The following GMPR variants were observed in gnomAD, a reference collection of about 807,000 sequenced individuals.
GMPR encodes GMP reductase 1.
Under a neutral mutation model 38.4 loss-of-function variants are expected in GMPR, and 31 were observed. The ratio of observed to expected loss-of-function variants is 0.81; its 90% CI spans 0.61 to 1.09. GMPR has a LOEUF of 1.09. Ranked by LOEUF, GMPR falls within the 50% of genes least tolerant of loss-of-function variation. The probability of loss-of-function intolerance (pLI) is 0.00; values close to 1 mark genes in which losing one functional copy is unlikely to be tolerated. For synonymous variants in GMPR, 162 were observed against 173.3 expected (o/e 0.93, Z 0.51); for missense variants, 468 against 453.7 (o/e 1.03, Z -0.29).
In GMPR at chr6:16,253,056, C is replaced by T. The variant is rs1320644988; in HGVS notation, c.292-1506C>T. ...AAGGCATAAATTAGTGAAAGCAAGTCCTTGCCCAAGGGGCAGATGTTCAGA... is the reference window on the plus strand; with the variant it reads ...AAGGCATAAATTAGTGAAAGCAAGTTCTTGCCCAAGGGGCAGATGTTCAGA... On this transcript the variant is annotated intron_variant, in intron 3 of 8. Coordinates refer to ENST00000259727, the MANE Select transcript of GMPR (RefSeq NM_006877.4). Among the ~76,000 whole-genome samples the T allele has an allele frequency of 2.6e-5, 4 of 152,334 alleles. No individual in the cohort carries two copies. The South Asian group carries it at 8.3e-4, about 32-fold the overall frequency.
intron 7 of GMPR, among the ~76,000 whole-genome samples, chr6:16,288,011 T>A (rs1759722830): frequency 6.6e-6 from 1 of 152,210 alleles, no homozygotes; most frequent in South Asian, 2.1e-4. Context: ...ACTTAATACA[T>A]CTGCGCCCTG....
intron 1 of GMPR, among the ~76,000 whole-genome samples, chr6:16,240,672 G>A (rs74291715): frequency 0.13 from 20,221 of 152,204 alleles, 1,916 homozygotes; most frequent in East Asian, 0.37. Context: ...ACTCCTTCTC[G>A]GGGAATACTA....
intron 3 of GMPR, among the ~76,000 whole-genome samples, chr6:16,254,206 C>T (rs771861862): frequency 3.3e-5 from 5 of 152,162 alleles, no homozygotes; most frequent in Non-Finnish European, 5.9e-5. Flanking sequence ...GCTGGGATTA[C>T]AGGCATGAGC....
intron 4 of GMPR, among the ~76,000 whole-genome samples, chr6:16,261,906 T>G (rs1759093527): frequency 6.6e-6 from 1 of 151,684 alleles, no homozygotes; most frequent in Admixed American, 6.7e-5. Context: ...GGCAATGAGA[T>G]GTAGCTGTAA....
At chr6:16,242,115 G>A (rs146500718) in intron 1 of GMPR, among the ~76,000 whole-genome samples, 6 of 152,206 alleles carry the variant, frequency 3.9e-5, no homozygotes, top group East Asian at 3.9e-4. Flanking sequence ...GAAGAGAATC[G>A]CAGCAAATTA....
intron 4 of GMPR, among the ~76,000 whole-genome samples, chr6:16,263,975 G>T (rs1337706206): frequency 6.6e-5 from 10 of 151,862 alleles, no homozygotes; most frequent in Non-Finnish European, 8.8e-5. Context: ...GGCGGAGAAG[G>T]GATAGAGACA....
intron 4 of GMPR, chr6:16,258,216 G>GT (rs1759015421): frequency 6.6e-6 from 1 of 152,394 alleles, no homozygotes; most frequent in African/African-American, 2.4e-5. Flanking sequence ...GAGAGAAAAT[G>GT]TGTGTCACTC....
intron 2 of GMPR, among the ~76,000 whole-genome samples, chr6:16,249,753 G>A (rs1236718416): frequency 6.6e-6 from 1 of 152,242 alleles, no homozygotes; most frequent in Non-Finnish European, 1.5e-5. Context: ...TAGGTTTAGG[G>A]TTATACTTTA....
intron 2 of GMPR, among the ~76,000 whole-genome samples, chr6:16,249,832 G>C (rs1758833159): frequency 6.6e-6 from 1 of 152,256 alleles, no homozygotes; most frequent in Non-Finnish European, 1.5e-5. Context: ...GTGAGCACAA[G>C]AGAAAGCTTT....
chr6:16,277,725 CTG>C (rs1308840392), intron 5 of GMPR, among the ~76,000 whole-genome samples: 2 of 152,140 alleles, frequency 1.3e-5, no homozygotes, highest in African/African-American at 4.8e-5. Context: ...CTTTTTGAAA[CTG>C]TGATGAACAA....
chr6:16,278,009 C>T (rs1242154164), intron 5 of GMPR, among the ~76,000 whole-genome samples: 1 of 152,120 alleles, frequency 6.6e-6, no homozygotes, highest in African/African-American at 2.4e-5. Context: ...GCGACTTGGC[C>T]TGGACCTAAC....
chr6:16,267,589 GAACA>G (rs1759283632), intron 4 of GMPR, among the ~76,000 whole-genome samples: 1 of 152,102 alleles, frequency 6.6e-6, no homozygotes, highest in South Asian at 2.1e-4. Flanking sequence ...ACATCTGACG[GAACA>G]AACTCCGGAC....
At chr6:16,266,899 C>T (rs1188702868) in intron 4 of GMPR, among the ~76,000 whole-genome samples, 2 of 151,616 alleles carry the variant, frequency 1.3e-5, no homozygotes, top group African/African-American at 4.8e-5. Context: ...CAACTCCGGA[C>T]GTGCCACCTT....
chr6:16,267,210 A>G (rs1759268726), intron 4 of GMPR, among the ~76,000 whole-genome samples: 2 of 151,964 alleles, frequency 1.3e-5, no homozygotes, highest in African/African-American at 2.4e-5. Context: ...AAAAGTACAA[A>G]AAAAAGAAAA....
At chr6:16,267,041 A>G (rs1759261786) in intron 4 of GMPR, among the ~76,000 whole-genome samples, 1 of 151,158 alleles carries the variant, frequency 6.6e-6, no homozygotes, top group African/African-American at 2.4e-5. Context: ...CCTGCGAAAA[A>G]GGTGGCACGT....
At chr6:16,274,585 G>A in intron 5 of GMPR, 89 bp downstream of exon 5, 2 of 768,178 alleles carry the variant, frequency 2.6e-6, no homozygotes, top group South Asian at 2.9e-5. Flanking sequence ...TGGAGGGGAT[G>A]CATGAATGAC....
At chr6:16,247,963 C>T (rs990268233) in intron 2 of GMPR, among the ~76,000 whole-genome samples, 3 of 152,096 alleles carry the variant, frequency 2.0e-5, no homozygotes, top group African/African-American at 4.8e-5. Flanking sequence ...GGCATAGTGG[C>T]TCACACCTGT....
intron 8 of GMPR, among the ~76,000 whole-genome samples, chr6:16,291,069 C>T (rs1581668955): frequency 6.6e-6 from 1 of 152,116 alleles, no homozygotes; most frequent in East Asian, 1.9e-4. Flanking sequence ...GCACGGTGGC[C>T]AGGCCTTTCC....
At position 16,254,833 on chromosome 6, in the gene GMPR, T is replaced by G; in HGVS notation, c.465+98T>G. ...GGGGGAGCTGTATCCTCTTCAGAGCTTTTGGTGCCTCTTTAGTCAAAGATT... is the reference window on the plus strand; with the variant it reads ...GGGGGAGCTGTATCCTCTTCAGAGCGTTTGGTGCCTCTTTAGTCAAAGATT... On this transcript the variant is annotated intron_variant, in intron 4 of 8. Coordinates refer to ENST00000259727, the MANE Select transcript of GMPR (RefSeq NM_006877.4). 5.2e-6 allele frequency: 4 copies of G among 775,838 alleles called. No homozygotes were observed. In the Admixed American group the frequency reaches 8.3e-5, roughly 16 times the overall value. 48.1% of individuals were successfully genotyped at this position (775,838 alleles called of 1,614,324 possible). A position where few individuals can be genotyped will look rare whatever the true frequency, so the allele number is the denominator to read the frequency against.
Sources: gnomAD v4.1 joint callset for allele counts (sites outside exome capture counted in the v4.1 genomes callset) on GRCh38, gnomAD v4.1.1 for gene constraint, MANE v1.5 for transcripts, NCBI Gene and HGNC (gene_info 2026-07-23, HGNC 2026-07-21) for gene names.